The following CHRM3 variants were observed in gnomAD, a reference collection of about 807,000 sequenced individuals.
The protein encoded by CHRM3 is cholinergic receptor muscarinic 3, also known as muscarinic acetylcholine receptor M3.
CHRM3 carries 11 observed loss-of-function variants against 41.8 expected under a neutral mutation model. The observed-to-expected ratio is 0.26, with a 90% CI of 0.17 to 0.44. The LOEUF (loss-of-function observed/expected upper bound fraction) is 0.44, where lower values mean the gene tolerates loss of function less well. Among genes scored for constraint, CHRM3 ranks in the 20% least tolerant of loss-of-function variants. The pLI, the probability that CHRM3 is intolerant of heterozygous loss-of-function variation, is 1.00. For synonymous variants in CHRM3, 297 were observed against 301.4 expected, an observed-to-expected ratio of 0.99 and a Z score of 0.15; for missense variants, 571 against 745.4, an observed-to-expected ratio of 0.77 and a Z score of 2.72.
intron 5 of CHRM3, among the ~76,000 whole-genome samples, chr1:239,813,834 G>A (rs1472129973): frequency 2.2e-5 from 3 of 137,762 alleles, no homozygotes; most frequent in Admixed American, 7.1e-5. Context: ...GGAGAATGGC[G>A]TGAACCCGGG....
At chr1:239,716,788 G>A (rs978801792) in intron 5 of CHRM3, among the ~76,000 whole-genome samples, 3 of 152,042 alleles carry the variant, frequency 2.0e-5, no homozygotes, top group African/African-American at 4.8e-5. Context: ...GGGCCCAAAC[G>A]TAGCTCAAGG....
At chr1:239,396,739 A>G (rs1659516162) in intron 1 of CHRM3, among the ~76,000 whole-genome samples, 1 of 152,214 alleles carries the variant, frequency 6.6e-6, no homozygotes, top group Admixed American at 6.5e-5. Flanking sequence ...AATGCCCCCA[A>G]AGACAACTAT....
intron 3 of CHRM3, among the ~76,000 whole-genome samples, chr1:239,611,820 C>T (rs919232814): frequency 2.0e-5 from 3 of 152,162 alleles, no homozygotes; most frequent in Admixed American, 6.5e-5. Context: ...AGTTCTATAA[C>T]ATGACAATTC....
chr1:239,450,157 G>C (rs367955179), intron 1 of CHRM3, among the ~76,000 whole-genome samples: 1 of 152,072 alleles, frequency 6.6e-6, no homozygotes, highest in African/African-American at 2.4e-5. Flanking sequence ...TCCTTCTGAA[G>C]TTTTCCTCCA....
intron 1 of CHRM3, among the ~76,000 whole-genome samples, chr1:239,396,409 A>G (rs1659480193): frequency 6.6e-6 from 1 of 152,054 alleles, no homozygotes; most frequent in African/African-American, 2.4e-5. Flanking sequence ...CCAGAAGTTG[A>G]AGACCAACCT....
intron 3 of CHRM3, among the ~76,000 whole-genome samples, chr1:239,548,488 G>A (rs766469248): frequency 6.6e-6 from 1 of 152,168 alleles, no homozygotes. Flanking sequence ...AGATTAAAAT[G>A]TTATCTTTGA....
At chr1:239,665,556 A>G (rs1673701715) in intron 4 of CHRM3, among the ~76,000 whole-genome samples, 2 of 152,078 alleles carry the variant, frequency 1.3e-5, no homozygotes, top group Non-Finnish European at 2.9e-5. Context: ...GTTCTGGCGT[A>G]CACGTGCAGA....
At chr1:239,388,716 T>G (rs1270480754) in intron 1 of CHRM3, among the ~76,000 whole-genome samples, 1 of 152,250 alleles carries the variant, frequency 6.6e-6, no homozygotes, top group Non-Finnish European at 1.5e-5. Context: ...GTGCACCCTC[T>G]TGTTATAAGA....
chr1:239,775,357 A>G (rs1668009553), intron 5 of CHRM3, among the ~76,000 whole-genome samples: 2 of 152,216 alleles, frequency 1.3e-5, no homozygotes, highest in African/African-American at 2.4e-5. Context: ...ATTGTCTGTG[A>G]AAAATGTTCA....
rs563227916 is a variant in CHRM3 at position 239,590,223 on chromosome 1, G to GT, written c.-312-41999dup. The stretch of plus-strand genomic sequence containing the variant: ...GGTGTGGAGTAAGTGCTGAATGTTT[G>GT]TTGATGAAATGATTGAATTTCTTTC... On this transcript the variant is annotated intron_variant, in intron 3 of 6. Transcript: ENST00000676153. Among the ~76,000 whole-genome samples, 22 of 152,208 alleles carry GT rather than the reference G, an allele frequency of 1.4e-4. No homozygotes were observed. The East Asian group carries it at 4.1e-3, about 28-fold the overall frequency.
chr1:239,839,964 G>A (rs1376678014), intron 6 of CHRM3, among the ~76,000 whole-genome samples: 1 of 152,084 alleles, frequency 6.6e-6, no homozygotes, highest in African/African-American at 2.4e-5. Context: ...TCCAGCCCAG[G>A]CCTCAGTTGT....
At chr1:239,525,014 G>A (rs532304388) in intron 2 of CHRM3, among the ~76,000 whole-genome samples, 12 of 152,022 alleles carry the variant, frequency 7.9e-5, no homozygotes, top group South Asian at 6.2e-4. Context: ...TGTACTAACC[G>A]GATTATATTA....
At chr1:239,516,880 C>T (rs1572569150) in intron 2 of CHRM3, among the ~76,000 whole-genome samples, 3 of 152,066 alleles carry the variant, frequency 2.0e-5, no homozygotes, top group Admixed American at 2.0e-4. Flanking sequence ...GTGAACTGCA[C>T]GTGCAAAGGA....
rs543763938 is a variant in CHRM3, at chr1:239,431,261, T to C, written c.-521+44034T>C. Among the ~76,000 whole-genome samples the C allele has an allele frequency of 1.3e-4, 20 of 152,300 alleles. No homozygotes were observed. In the South Asian group the frequency reaches 4.1e-3, roughly 32 times the overall value. On this transcript the variant is annotated intron_variant, in intron 1 of 6. Coordinates refer to ENST00000676153, the MANE Select transcript of CHRM3 (RefSeq NM_001375978.1). The stretch of plus-strand genomic sequence containing the variant: ...TCCCCCTAAAATAAATTTATGTGAC[T>C]CATGTTAACTATATAGTAGATTTTT...
chr1:239,642,724 G>C (rs1358778455), intron 4 of CHRM3, among the ~76,000 whole-genome samples: 1 of 152,082 alleles, frequency 6.6e-6, no homozygotes, highest in African/African-American at 2.4e-5. Context: ...TCCTCCTGTA[G>C]CTCGGAGTAC....
chr1:239,533,751 CA>C (rs963197442), intron 2 of CHRM3, among the ~76,000 whole-genome samples: 3 of 51,976 alleles, frequency 5.8e-5, no homozygotes, highest in East Asian at 4.7e-4. Context: ...AAAAAAAAAA[CA>C]AAAAAACCCT....
At chr1:239,569,445 A>G (rs1490872145) in intron 3 of CHRM3, among the ~76,000 whole-genome samples, 2 of 152,212 alleles carry the variant, frequency 1.3e-5, no homozygotes, top group African/African-American at 2.4e-5. Context: ...TTTCATAATT[A>G]TGGCAAACTG....
intron 1 of CHRM3, among the ~76,000 whole-genome samples, chr1:239,411,658 G>A (rs1248626355): frequency 7.1e-6 from 1 of 141,648 alleles, no homozygotes; most frequent in Non-Finnish European, 1.5e-5. Context: ...CCGGGAGGCA[G>A]AGGTTGCAGT....
At chr1:239,585,713 A>G (rs937479409) in intron 3 of CHRM3, among the ~76,000 whole-genome samples, 1 of 152,234 alleles carries the variant, frequency 6.6e-6, no homozygotes, top group Non-Finnish European at 1.5e-5. Context: ...GTATTTCAAT[A>G]CATCCTATAC....
Sources: gnomAD v4.1 joint callset for allele counts (sites outside exome capture counted in the v4.1 genomes callset) on GRCh38, gnomAD v4.1.1 for gene constraint, MANE v1.5 for transcripts, NCBI Gene and HGNC (gene_info 2026-07-23, HGNC 2026-07-21) for gene names.